The following CLASP2 variants were observed in gnomAD, a reference collection of about 807,000 sequenced individuals.
CLASP2 encodes the protein cytoplasmic linker associated protein 2, also known as CLIP-associating protein 2.
A neutral mutation model predicts 194.4 loss-of-function variants in CLASP2; 47 were observed. That is an observed-to-expected ratio of 0.24 (90% CI 0.19 to 0.31). The LOEUF is 0.31. Ranked by LOEUF, CLASP2 falls within the 10% of genes least tolerant of loss-of-function variation. CLASP2 has a pLI of 1.00. For synonymous variants in CLASP2, 619 were observed against 633.5 expected (o/e 0.98, Z 0.34); for missense variants, 1,445 against 1,823.6 (o/e 0.79, Z 3.78).
intron 20 of CLASP2, among the ~76,000 whole-genome samples, chr3:33,594,129 C>T (rs2069567910): frequency 6.6e-6 from 1 of 152,114 alleles, no homozygotes; most frequent in African/African-American, 2.4e-5. Flanking sequence ...CAGGTGTGAA[C>T]CCCTATGCCT....
chr3:33,577,595 ATCTT>A (rs1227530994), intron 23 of CLASP2, among the ~76,000 whole-genome samples: 1 of 152,182 alleles, frequency 6.6e-6, no homozygotes, highest in Non-Finnish European at 1.5e-5. Flanking sequence ...AACTAATAAA[ATCTT>A]ATCTCCTTTA....
At chr3:33,684,530 A>G in intron 5 of CLASP2, 74 bp from the exon 6 acceptor site, 1 of 901,010 alleles carries the variant, frequency 1.1e-6, no homozygotes, top group Non-Finnish European at 1.7e-6. Context: ...AGGTAACATT[A>G]CACTAACAGA....
chr3:33,515,203 C>T (rs1033863392), intron 36 of CLASP2, among the ~76,000 whole-genome samples: 1 of 152,078 alleles, frequency 6.6e-6, no homozygotes, highest in Non-Finnish European at 1.5e-5. Context: ...ACCATCTGTT[C>T]CTCAAAAACC....
At chr3:33,501,520 A>G (rs1219951505) in intron 38 of CLASP2, 132 bp downstream of exon 38, 2 of 584,794 alleles carry the variant, frequency 3.4e-6, no homozygotes, top group African/African-American at 1.9e-5. Flanking sequence ...AACAGAAATA[A>G]TAAGGGCAAG....
At chr3:33,706,019 A>C (rs550822314) in intron 1 of CLASP2, among the ~76,000 whole-genome samples, 1 of 152,270 alleles carries the variant, frequency 6.6e-6, no homozygotes, top group Admixed American at 6.5e-5. Flanking sequence ...TTGGGAAGTC[A>C]AGGTGGAAGC....
At chr3:33,500,199 A>AT (rs921055883) in intron 38 of CLASP2, among the ~76,000 whole-genome samples, 4 of 151,578 alleles carry the variant, frequency 2.6e-5, no homozygotes, top group East Asian at 1.9e-4. Flanking sequence ...TGCTTGGCTA[A>AT]TTTTTTTTCT....
At chr3:33,695,596 G>A (rs1248660845) in intron 2 of CLASP2, among the ~76,000 whole-genome samples, 1 of 151,996 alleles carries the variant, frequency 6.6e-6, no homozygotes, top group African/African-American at 2.4e-5. Flanking sequence ...ATATCAAAAA[G>A]TTAAATGTGA....
intron 2 of CLASP2, among the ~76,000 whole-genome samples, chr3:33,691,551 A>G (rs2091353294): frequency 6.6e-6 from 1 of 152,200 alleles, no homozygotes; most frequent in South Asian, 2.1e-4. Flanking sequence ...TCATAAGTCT[A>G]ATTATGAGGC....
At chr3:33,552,468 A>C (rs182663840) in intron 29 of CLASP2, among the ~76,000 whole-genome samples, 13 of 152,296 alleles carry the variant, frequency 8.5e-5, no homozygotes, top group Middle Eastern at 6.8e-3. Context: ...AGATGTTTGA[A>C]ATATGTATAT....
At chr3:33,644,257 T>C (rs756961706) in intron 8 of CLASP2, 1 of 154,882 alleles carries the variant, frequency 6.5e-6, no homozygotes, top group Non-Finnish European at 1.4e-5. Flanking sequence ...GGAACCATTT[T>C]TGAGGCAATT....
intron 6 of CLASP2, among the ~76,000 whole-genome samples, chr3:33,665,360 G>A (rs188912331): frequency 4.6e-5 from 7 of 152,060 alleles, no homozygotes; most frequent in Admixed American, 2.0e-4. Flanking sequence ...AATATAATAC[G>A]AATATGGGAG....
In CLASP2 at chr3:33,521,989, G is replaced by A. The variant is rs73826757; in HGVS notation, c.3788-4815C>T. On this transcript the variant is annotated intron_variant, in intron 34 of 38. Coordinates refer to ENST00000682230, the MANE Select transcript of CLASP2 (RefSeq NM_001365631.1). The stretch of plus-strand genomic sequence containing the variant: ...GCATGAAAAAAGAACCTTATCCTGC[G>A]GATACTGAGGACCTGTGCACTGTTG... Among the ~76,000 whole-genome samples the A allele has an allele frequency of 2.5e-3, 374 of 151,068 alleles. 2 individuals are homozygous for A. The highest frequency in any genetic ancestry group is 8.6e-3 in the African/African-American group (354 of 41,280).
chr3:33,704,054 T>C (rs777991235), intron 1 of CLASP2, among the ~76,000 whole-genome samples: 34 of 152,146 alleles, frequency 2.2e-4, no homozygotes, highest in Non-Finnish European at 4.6e-4. Context: ...ATGGAGATGG[T>C]AAAAGGATCA....
chr3:33,696,533 T>A (rs1306063139), intron 2 of CLASP2, among the ~76,000 whole-genome samples: 4 of 151,124 alleles, frequency 2.6e-5, no homozygotes, highest in Non-Finnish European at 4.4e-5. Context: ...TGGCATGATC[T>A]CAGCTCACTG....
intron 21 of CLASP2, among the ~76,000 whole-genome samples, chr3:33,586,943 G>C (rs2067517529): frequency 6.6e-6 from 1 of 152,158 alleles, no homozygotes; most frequent in Non-Finnish European, 1.5e-5. Flanking sequence ...CTTTCCTAAA[G>C]TGAGAGGTGA....
At chr3:33,645,868 C>CTA (rs2082181561) in intron 7 of CLASP2, among the ~76,000 whole-genome samples, 1 of 151,328 alleles carries the variant, frequency 6.6e-6, no homozygotes, top group African/African-American at 2.4e-5. Context: ...AGGCTCCTTT[C>CTA]GGAATATGAA....
intron 1 of CLASP2, among the ~76,000 whole-genome samples, chr3:33,713,012 C>CAAAAAAAAAAAAAAAAAAAAAAA (rs57940200): frequency 1.3e-3 from 60 of 46,998 alleles, no homozygotes; most frequent in African/African-American, 1.6e-3. Flanking sequence ...AACTCCACCT[C>CAAAAAAAAAAAAAAAAAAAAAAA]AAAAAAAAAA....
chr3:33,552,649 G>A (rs936028448), intron 29 of CLASP2, among the ~76,000 whole-genome samples: 4 of 152,018 alleles, frequency 2.6e-5, no homozygotes, highest in Non-Finnish European at 5.9e-5. Context: ...ATAGTGAAAC[G>A]TTTCTCATAG....
At chr3:33,696,987 A>G (rs528485026) in intron 1 of CLASP2, 54 bp from the exon 2 acceptor site, 2 of 923,750 alleles carry the variant, frequency 2.2e-6, no homozygotes, top group South Asian at 1.5e-5. Flanking sequence ...ATACTTTAAT[A>G]TCAGTATTTA....
Sources: gnomAD v4.1 joint callset for allele counts (sites outside exome capture counted in the v4.1 genomes callset) on GRCh38, gnomAD v4.1.1 for gene constraint, MANE v1.5 for transcripts, NCBI Gene and HGNC (gene_info 2026-07-23, HGNC 2026-07-21) for gene names.